Variants in PITPNM2 observed in about 807,000 individuals in gnomAD.
The protein encoded by PITPNM2 is phosphatidylinositol transfer protein membrane associated 2, also known as membrane-associated phosphatidylinositol transfer protein 2.
Under a neutral mutation model 132.2 loss-of-function variants are expected in PITPNM2, and 35 were observed. That is an observed-to-expected ratio of 0.26 (90% CI 0.20 to 0.35). The LOEUF is 0.35. Ranked by LOEUF, PITPNM2 falls within the 10% of genes least tolerant of loss-of-function variation. PITPNM2 has a pLI of 1.00. For synonymous variants in PITPNM2, 738 were observed against 799.2 expected, an observed-to-expected ratio of 0.92 and a Z score of 1.29; for missense variants, 1,332 against 1,912.0, an observed-to-expected ratio of 0.70 and a Z score of 5.66.
rs765655012 is a variant in PITPNM2 at position 123,005,372 on chromosome 12, C to T, written c.820G>A (p.Glu274Lys). The change falls in exon 7 of 26, where the codon GAA becomes AAA. Residue 274 changes from glutamate to lysine, a missense_variant. Transcript: ENST00000320201. This position sits in a 1 kb window ranked among gnomAD's most constrained non-coding sequence, Gnocchi z 6.2. Reference sequence around the variant, plus strand: ...CCAGAGGTCTGGTCCGAGACGGCTTCGTGCTTGACGAGCTCAGTGGCCTCC... The same window carrying T: ...CCAGAGGTCTGGTCCGAGACGGCTTTGTGCTTGACGAGCTCAGTGGCCTCC... ...GEEATELVKH[E>K]AVSDQTSGEP... 41 of 1,614,060 alleles carry T rather than the reference C, an allele frequency of 2.5e-5. No individual in the cohort carries two copies. In the Middle Eastern group the frequency reaches 6.6e-4, roughly 26 times the overall value.
rs2037941883 is a variant in PITPNM2 at position 122,986,520 on chromosome 12, C to T, written c.3642G>A (p.Val1214=). Residue 1214 remains valine, a synonymous_variant, in exon 25 of 26, where the codon GTG becomes GTA. Transcript: ENST00000320201. ...VHAAYGSTKD[V]AVYSAISLSP... is the part of the protein sequence containing the mutation. ...ACAGGCTAATGGCGCTGTACACCGCCACGTCCTTGGTGGAGCCATAGGCCG... is the reference window on the plus strand; with the variant it reads ...ACAGGCTAATGGCGCTGTACACCGCTACGTCCTTGGTGGAGCCATAGGCCG... 2.5e-6 allele frequency: 4 copies of T among 1,597,932 alleles called. No homozygotes were observed. In the East Asian group the frequency reaches 9.0e-5, roughly 36 times the overall value.
At chr12:123,133,462 T>C (rs1183485663) in intron 1 of PITPNM2, among the ~76,000 whole-genome samples, 1 of 152,144 alleles carries the variant, frequency 6.6e-6, no homozygotes, top group East Asian at 1.9e-4. Context: ...ATGTCCACTG[T>C]GGGAATGAAG....
intron 1 of PITPNM2, among the ~76,000 whole-genome samples, chr12:123,124,746 T>G (rs949111173): frequency 6.6e-6 from 1 of 152,212 alleles, no homozygotes; most frequent in Non-Finnish European, 1.5e-5. Flanking sequence ...AGAAGTCTTA[T>G]GTTTGCCTGT....
chr12:123,123,108 C>G (rs1409781433), intron 1 of PITPNM2, among the ~76,000 whole-genome samples: 2 of 152,192 alleles, frequency 1.3e-5, no homozygotes, highest in African/African-American at 2.4e-5. Context: ...GTTTGCTTCC[C>G]ATCTTCTGCT....
At position 122,986,688 on chromosome 12, in the gene PITPNM2, C is replaced by G; in HGVS notation, c.3555G>C (p.Pro1185=). Residue 1185 remains proline (P), a synonymous_variant, in exon 24 of 26, where the codon CCG becomes CCC. Coordinates refer to ENST00000320201, the MANE Select transcript of PITPNM2 (RefSeq NM_020845.3). ...TCAGGAAGTTGGCCTTGTGCCGCAG[C>G]GGGTCATGCACCAGGCCGTCACAGA... The part of the protein sequence containing the change: ...VSFCDGLVHD[P]LRHKANFLKL... 2.5e-6 allele frequency: 4 copies of G among 1,613,452 alleles called. No homozygotes were observed. The highest frequency in any genetic ancestry group is 3.4e-6 in the Non-Finnish European group (4 of 1,179,964).
At chr12:123,063,452 G>A (rs1040890910) in intron 2 of PITPNM2, among the ~76,000 whole-genome samples, 2 of 152,194 alleles carry the variant, frequency 1.3e-5, no homozygotes, top group East Asian at 1.9e-4. Flanking sequence ...CTGGTGCTTA[G>A]GAAGTGCTTG....
At position 123,022,598 on chromosome 12, in the gene PITPNM2, G is replaced by A. The variant is rs1049253907; in HGVS notation, c.79-8556C>T. Among the ~76,000 whole-genome samples the A allele has an allele frequency of 3.9e-5, 6 of 152,168 alleles. No homozygotes were observed. The highest frequency in any genetic ancestry group is 8.8e-5 in the Non-Finnish European group (6 of 68,034). ...CCTGTTCTCTGCACTTCAGAGCCCTGAGATGTTGTGGGATCATGCTCCCCA... is the reference window on the plus strand; with the variant it reads ...CCTGTTCTCTGCACTTCAGAGCCCTAAGATGTTGTGGGATCATGCTCCCCA... On this transcript the variant is annotated intron_variant, in intron 3 of 25. Coordinates refer to ENST00000320201, the MANE Select transcript of PITPNM2 (RefSeq NM_020845.3). The surrounding 1 kb of genome is among the most constrained non-coding windows in gnomAD (Gnocchi z 4.9).
chr12:123,125,732 C>T (rs1461531969), intron 1 of PITPNM2, among the ~76,000 whole-genome samples: 1 of 148,610 alleles, frequency 6.7e-6, no homozygotes. Context: ...AATCCCAGCT[C>T]TCAGGAGGCT....
chr12:122,988,595 T>A (rs1157153519), intron 19 of PITPNM2, 129 bp downstream of exon 19: 4 of 1,025,404 alleles, frequency 3.9e-6, no homozygotes, highest in Non-Finnish European at 5.6e-6. Context: ...AAAGGTGCCC[T>A]CATCTTGCTT....
intron 1 of PITPNM2, among the ~76,000 whole-genome samples, chr12:123,116,103 T>C (rs2042932091): frequency 6.6e-6 from 1 of 152,228 alleles, no homozygotes; most frequent in Admixed American, 6.5e-5. Flanking sequence ...CCTTTTAATC[T>C]AGCCTGGCCT....
chr12:123,107,905 C>A (rs1412859770), intron 2 of PITPNM2, among the ~76,000 whole-genome samples: 1 of 152,142 alleles, frequency 6.6e-6, no homozygotes, highest in African/African-American at 2.4e-5. Flanking sequence ...GAAAATGATG[C>A]CAAGAATTCT....
At chr12:123,149,613 G>A (rs554529401) in intron 1 of PITPNM2, among the ~76,000 whole-genome samples, 1 of 152,306 alleles carries the variant, frequency 6.6e-6, no homozygotes, top group Admixed American at 6.5e-5. Context: ...GGAGCTCACC[G>A]TCCAGCAGGG....
rs1442930942 is a variant in PITPNM2, at chr12:123,031,379, C to A, written c.78+3134G>T. Among the ~76,000 whole-genome samples the A allele has an allele frequency of 1.3e-5, 2 of 152,162 alleles. No homozygotes were observed. The highest frequency in any genetic ancestry group is 4.8e-5 in the African/African-American group (2 of 41,434). ...GGGGGCTGTGGAGGCCAGAACCCAG[C>A]GATGCATCCGCCTGTCTAAGACCCA... On this transcript the variant is annotated intron_variant, in intron 3 of 25. Transcript: ENST00000320201. The surrounding 1 kb of genome is among the most constrained non-coding windows in gnomAD (Gnocchi z 4.5).
intron 1 of PITPNM2, among the ~76,000 whole-genome samples, chr12:123,147,545 TAGAG>T (rs2043643005): frequency 6.6e-6 from 1 of 152,158 alleles, no homozygotes; most frequent in Non-Finnish European, 1.5e-5. Flanking sequence ...AGAATATATA[TAGAG>T]AGATTTATAC....
At position 123,005,726 on chromosome 12, in the gene PITPNM2, G is replaced by C; in HGVS notation, c.644-178C>G. 1 of 618,354 alleles carries C rather than the reference G, an allele frequency of 1.6e-6. No individual in the cohort carries two copies. The highest frequency in any genetic ancestry group is 2.8e-6 in the Non-Finnish European group (1 of 354,596). The allele number at this position is 618,354 out of a possible 1,614,324, so 38.3% of individuals were successfully genotyped here. On this transcript the variant is annotated intron_variant, in intron 6 of 25. Transcript: ENST00000320201. The surrounding 1 kb of genome is among the most constrained non-coding windows in gnomAD (Gnocchi z 6.2). ...CCCCATTTGTAAAATAAGGGGACTG[G>C]CTCACAGATAGTCTCACAAGCTCAT...
intron 3 of PITPNM2, among the ~76,000 whole-genome samples, chr12:123,019,891 G>A (rs2136312889): frequency 6.6e-6 from 1 of 152,216 alleles, no homozygotes; most frequent in South Asian, 2.1e-4. Flanking sequence ...GACCTGCAGG[G>A]GAGCTGGGAG....
At chr12:123,015,982 G>A (rs952813546) in intron 3 of PITPNM2, among the ~76,000 whole-genome samples, 4 of 152,110 alleles carry the variant, frequency 2.6e-5, no homozygotes, top group African/African-American at 7.2e-5. Flanking sequence ...TGGCCAATAA[G>A]CAATGAAAAG....
chr12:123,086,442 G>A (rs913048086), intron 2 of PITPNM2, among the ~76,000 whole-genome samples: 3 of 152,146 alleles, frequency 2.0e-5, no homozygotes, highest in Admixed American at 6.5e-5. Flanking sequence ...GTCAAAGGTC[G>A]GTAAATGGTA....
At chr12:123,010,357 T>C (rs2039134860) in intron 5 of PITPNM2, among the ~76,000 whole-genome samples, 1 of 152,216 alleles carries the variant, frequency 6.6e-6, no homozygotes. Flanking sequence ...GTGCTGAGAT[T>C]ACAGGTATGA....
Sources: gnomAD v4.1 joint callset for allele counts (sites outside exome capture counted in the v4.1 genomes callset) on GRCh38, gnomAD v4.1.1 for gene constraint, Gnocchi (gnomAD v3.1) non-coding constraint, MANE v1.5 for transcripts, NCBI Gene and HGNC (gene_info 2026-07-23, HGNC 2026-07-21) for gene names.